The following ZNF648 variants were observed in gnomAD, a reference collection of about 807,000 sequenced individuals.
The protein encoded by ZNF648 is zinc finger protein 648.
A neutral mutation model predicts 0.3 loss-of-function variants in ZNF648; 1 was observed. The observed-to-expected ratio is 3.90, with a 90% CI of 1.39 to 18.51. ZNF648 has a LOEUF of 18.51. ZNF648 is among the 30% of genes most tolerant of loss of function. The pLI, the probability that ZNF648 is intolerant of heterozygous loss-of-function variation, is 0.11. For missense variants in ZNF648, 874 were observed against 769.7 expected (o/e 1.14, Z -1.60); for synonymous variants, 376 against 326.8 (o/e 1.15, Z -1.62).
chr1:182,058,094 A>G, intron 1 of ZNF648, 21 bp from the exon 2 acceptor site: 1 of 1,476,198 alleles, frequency 6.8e-7, no homozygotes, highest in East Asian at 2.3e-5. Context: ...AAAAGTACGA[A>G]GAGAAAATCA....
At chr1:182,068,131 A>T in the ZNF648 span, among the ~76,000 whole-genome samples, 1 of 152,252 alleles carries the variant, frequency 6.6e-6, no homozygotes, top group Non-Finnish European at 1.5e-5. Flanking sequence ...TATCAGTGGG[A>T]ATCCCTTGAA....
the ZNF648 span, among the ~76,000 whole-genome samples, chr1:182,068,707 G>A: frequency 5.9e-5 from 9 of 152,058 alleles, no homozygotes; most frequent in East Asian, 1.8e-3. Flanking sequence ...AGGATCCCTT[G>A]AGCCCAGGAG....
At chr1:182,059,961 C>A (rs938914735) in intron 1 of ZNF648, among the ~76,000 whole-genome samples, 1 of 152,206 alleles carries the variant, frequency 6.6e-6, no homozygotes, top group Non-Finnish European at 1.5e-5. Context: ...GGCCATTAAG[C>A]CCCAAATGGT....
In ZNF648 at chr1:182,057,622, A is replaced by G; in HGVS notation, c.389T>C (p.Leu130Pro). 6.2e-7 allele frequency: 1 copy of G among 1,614,206 alleles called. No individual in the cohort carries two copies. Among genetic ancestry groups the G allele is most frequent in the Non-Finnish European group, 8.5e-7 (1 of 1,180,038 alleles). Residue 130 changes from leucine to proline, a missense_variant, in exon 2 of 2, where the codon CTC (leucine) becomes CCC (proline). Physicochemically the swap from Leu to Pro is moderately conservative, Grantham distance 98. Coordinates refer to ENST00000339948, the MANE Select transcript of ZNF648 (RefSeq NM_001009992.1). ...SRALGSLPSG[L>P]AHKLLGQMQP... ...CATCTGACCTAACAATTTGTGTGCG[A>G]GACCACTGGGAAGGGAACCCAGAGC...
chr1:182,057,601 T>A lies in ZNF648; in HGVS notation c.410A>T (p.Gln137Leu). The change falls in exon 2 of 2, where the codon CAG becomes CTG. Residue 137 changes from glutamine (Q) to leucine (L), a missense_variant. Physicochemically the swap from Gln to Leu is moderately radical, Grantham distance 113. Transcript: ENST00000339948. ...TAGTCGGTCCCCAAGAGGTTGCATC[T>A]GACCTAACAATTTGTGTGCGAGACC... ...PSGLAHKLLGQMQPLGDRLPA... is the reference protein window; with the variant it reads ...PSGLAHKLLGLMQPLGDRLPA... 1 of 1,614,230 alleles carries A rather than the reference T, an allele frequency of 6.2e-7. No homozygotes were observed. The highest frequency in any genetic ancestry group is 1.1e-5 in the South Asian group (1 of 91,088).
At position 182,057,469 on chromosome 1, in the gene ZNF648, T is replaced by TCTA; in HGVS notation, c.539_541dup (p.Val180dup). ...CAGAGAAGAGTTCCCTGCGGACGTGTCTACACTTTTGTGCGCACAGAGATA... is the reference window on the plus strand; with the variant it reads ...CAGAGAAGAGTTCCCTGCGGACGTGTCTACTACACTTTTGTGCGCACAGAGATA... On this transcript the variant is annotated inframe_insertion, in exon 2 of 2. Transcript: ENST00000339948. The TCTA allele has an allele frequency of 6.2e-7, 1 of 1,614,190 alleles. No homozygotes were observed. The highest frequency in any genetic ancestry group is 8.5e-7 in the Non-Finnish European group (1 of 1,180,040).
the ZNF648 span, among the ~76,000 whole-genome samples, chr1:182,067,474 T>C: frequency 6.6e-6 from 1 of 152,108 alleles, no homozygotes; most frequent in Non-Finnish European, 1.5e-5. Context: ...AACAATATAA[T>C]ATGGGGTAGG....
chr1:182,067,382 TAC>T, the ZNF648 span, among the ~76,000 whole-genome samples: 1 of 152,230 alleles, frequency 6.6e-6, no homozygotes, highest in African/African-American at 2.4e-5. Flanking sequence ...ATATCTAGCT[TAC>T]AGAGTTGTTG....
Position 182,057,003 on chromosome 1 carries a change from C to T in ZNF648, c.1008G>A (p.Pro336=), listed in dbSNP as rs199803228. ...CGAAGGCCTTCCCGCAGTCTGGACA[C>T]GGGTAGGGTTTCTCGCCTGTGTGGG... ...IRTHTGEKPY[P]CPDCGKAFVR... The change falls in exon 2 of 2, where the codon CCG becomes CCA. Residue 336 remains proline, a synonymous_variant. Coordinates refer to ENST00000339948, the MANE Select transcript of ZNF648 (RefSeq NM_001009992.1). The T allele has an allele frequency of 1.9e-6, 3 of 1,613,690 alleles. No individual in the cohort carries two copies. Among genetic ancestry groups the T allele is most frequent in the African/African-American group, 1.3e-5 (1 of 75,004 alleles).
At chr1:182,066,184 G>A (rs1355074277), upstream of ZNF648, among the ~76,000 whole-genome samples, 5 of 152,194 alleles carry the variant, frequency 3.3e-5, no homozygotes, top group Non-Finnish European at 7.3e-5. Flanking sequence ...CGCCTGTCTG[G>A]GAAGAGGAAA....
chr1:182,062,514 T>G (rs559228409), upstream of ZNF648, among the ~76,000 whole-genome samples: 1 of 152,294 alleles, frequency 6.6e-6, no homozygotes, highest in African/African-American at 2.4e-5. Flanking sequence ...TGTGTGATCT[T>G]GGGCAAGTTA....
At chr1:182,060,575 C>T (rs767197030) in intron 1 of ZNF648, among the ~76,000 whole-genome samples, 8 of 152,008 alleles carry the variant, frequency 5.3e-5, no homozygotes, top group Non-Finnish European at 1.0e-4. Context: ...CCAGGGACCA[C>T]TCCTCTTCTC....
intron 1 of ZNF648, among the ~76,000 whole-genome samples, chr1:182,059,382 G>T (rs1266230087): frequency 1.3e-5 from 2 of 152,200 alleles, no homozygotes; most frequent in Non-Finnish European, 2.9e-5. Flanking sequence ...ACAAGGATTG[G>T]ATGAGTGACA....
At chr1:182,058,848 G>A (rs533541731) in intron 1 of ZNF648, among the ~76,000 whole-genome samples, 3 of 152,064 alleles carry the variant, frequency 2.0e-5, no homozygotes, top group Non-Finnish European at 2.9e-5. Context: ...TAATTGAGTC[G>A]GAGTCTCGCT....
the ZNF648 span, among the ~76,000 whole-genome samples, chr1:182,067,271 G>T: frequency 6.6e-6 from 1 of 152,110 alleles, no homozygotes; most frequent in African/African-American, 2.4e-5. Flanking sequence ...GGCTACTTGG[G>T]TAAATCCTAT....
intron 1 of ZNF648, among the ~76,000 whole-genome samples, chr1:182,060,138 C>A (rs989250773): frequency 6.6e-6 from 1 of 152,186 alleles, no homozygotes; most frequent in African/African-American, 2.4e-5. Flanking sequence ...CACTGCTGGG[C>A]TCCTCCCTGC....
the ZNF648 span, among the ~76,000 whole-genome samples, chr1:182,068,627 A>G: frequency 6.6e-6 from 1 of 152,202 alleles, no homozygotes; most frequent in South Asian, 2.1e-4. Context: ...ACATAAGAAT[A>G]ATCTGGGGCC....
upstream of ZNF648, among the ~76,000 whole-genome samples, chr1:182,065,090 T>C (rs1022982410): frequency 6.6e-6 from 1 of 152,152 alleles, no homozygotes; most frequent in Non-Finnish European, 1.5e-5. Context: ...TTACCTGCAT[T>C]TACAGATGGA....
upstream of ZNF648, chr1:182,064,034 A>G (rs935441848): frequency 1.5e-4 from 23 of 151,988 alleles, no homozygotes; most frequent in African/African-American, 5.6e-4. Context: ...TTTATTTCTA[A>G]GTTCTCTTTC....
Sources: allele counts gnomAD v4.1 joint callset (sites outside exome capture counted in the v4.1 genomes callset), GRCh38; gene constraint gnomAD v4.1.1; transcripts MANE v1.5; gene names NCBI Gene and HGNC (gene_info 2026-07-23, HGNC 2026-07-21).